The following GSTA5 variants were observed in gnomAD, a reference collection of about 807,000 sequenced individuals.
GSTA5 encodes the protein glutathione S-transferase alpha 5.
In GSTA5, 25 loss-of-function variants were observed where a neutral mutation model predicts 21.8. That is an observed-to-expected ratio of 1.14 (90% CI 0.83 to 1.60). The LOEUF is 1.60. GSTA5 is among the 40% of genes most tolerant of loss of function. GSTA5 has a pLI of 0.00. For synonymous variants in GSTA5, 102 were observed against 89.5 expected, an observed-to-expected ratio of 1.14 and a Z score of -0.78; for missense variants, 330 against 259.2, an observed-to-expected ratio of 1.27 and a Z score of -1.88.
At chr6:52,841,076 GTA>G (rs2127325377), upstream of GSTA5, among the ~76,000 whole-genome samples, 1 of 152,328 alleles carries the variant, frequency 6.6e-6, no homozygotes, top group South Asian at 2.1e-4. Flanking sequence ...AGAGGTGAGA[GTA>G]TGTGGTAATA....
At chr6:52,837,174 T>C (rs751148557) in intron 2 of GSTA5, among the ~76,000 whole-genome samples, 1 of 152,156 alleles carries the variant, frequency 6.6e-6, no homozygotes, top group Non-Finnish European at 1.5e-5. Context: ...AAGAAAAACC[T>C]CAAGGCAATG....
exon 1 of GSTA5, chr6:52,840,808 T>C (rs1307822878): frequency 6.2e-7 from 1 of 1,613,864 alleles, no homozygotes; most frequent in Admixed American, 1.7e-5. Context: ...TGGGCTTCTC[T>C]GCCATGATAG....
upstream of GSTA5, among the ~76,000 whole-genome samples, chr6:52,844,080 A>G (rs1764421373): frequency 6.6e-6 from 1 of 152,084 alleles, no homozygotes. Context: ...GAGTGTGTCT[A>G]CCTTCTGCAA....
chr6:52,841,687 C>T (rs1421695254), upstream of GSTA5, among the ~76,000 whole-genome samples: 1 of 152,232 alleles, frequency 6.6e-6, no homozygotes, highest in Non-Finnish European at 1.5e-5. Context: ...CAGTCATACA[C>T]TGGCCATTCT....
In GSTA5 at chr6:52,836,486, T is replaced by G. The variant is rs1417411604; in HGVS notation, c.140-118A>C. 3 of 1,066,292 alleles carry G rather than the reference T, an allele frequency of 2.8e-6. No individual in the cohort carries two copies. In the African/African-American group the frequency reaches 4.8e-5, roughly 17 times the overall value. The allele number at this position is 1,066,292 out of a possible 1,614,324, so 66.1% of individuals were successfully genotyped here. A position where few individuals can be genotyped will look rare whatever the true frequency, so the allele number is the denominator to read the frequency against. ...GAAATGAAAAAGAAATTATTGCCTG[T>G]TAAGTTTTCACTTGAAACAACTTTT... On this transcript the variant is annotated intron_variant, in intron 2 of 5. Transcript: ENST00000370989.
chr6:52,836,389 A>AT (rs754259748), intron 2 of GSTA5, 21 bp from the exon 3 acceptor site: 9 of 1,611,664 alleles, frequency 5.6e-6, no homozygotes, highest in Non-Finnish European at 6.8e-6. Flanking sequence ...AGAAAAAAAA[A>AT]GGAGTATGAA....
At chr6:52,836,326 T>C in exon 3 of GSTA5, 1 of 1,613,580 alleles carries the variant, frequency 6.2e-7, no homozygotes, top group African/African-American at 1.3e-5. Context: ...CTTCATCCCG[T>C]CAATCTCAAC....
chr6:52,842,857 C>A (rs1192299629), upstream of GSTA5, among the ~76,000 whole-genome samples: 1 of 152,060 alleles, frequency 6.6e-6, no homozygotes, highest in Non-Finnish European at 1.5e-5. Context: ...ACCTTTCAAC[C>A]CGTCATCTAT....
chr6:52,843,068 A>G (rs1232794249), upstream of GSTA5, among the ~76,000 whole-genome samples: 1 of 152,190 alleles, frequency 6.6e-6, no homozygotes, highest in African/African-American at 2.4e-5. Flanking sequence ...ATGTCCCTGC[A>G]AAGGACATGA....
upstream of GSTA5, among the ~76,000 whole-genome samples, chr6:52,841,921 C>G (rs6936938): frequency 0.16 from 24,623 of 152,002 alleles, 3,979 homozygotes; most frequent in African/African-American, 0.42. Context: ...GATTGTGAAA[C>G]CCCAGTACTT....
chr6:52,840,886 G>A (rs192182485), upstream of GSTA5: 22 of 1,395,996 alleles, frequency 1.6e-5, no homozygotes, highest in South Asian at 4.9e-5. Context: ...AATCAAAAAT[G>A]TACTTTAGGA....
At chr6:52,835,802 G>C (rs1764284076) in intron 3 of GSTA5, among the ~76,000 whole-genome samples, 1 of 152,184 alleles carries the variant, frequency 6.6e-6, no homozygotes. Flanking sequence ...TCCTGGTCAT[G>C]ATTCTTGGAA....
upstream of GSTA5, among the ~76,000 whole-genome samples, chr6:52,845,805 T>C (rs891356344): frequency 4.6e-5 from 7 of 152,358 alleles, no homozygotes; most frequent in African/African-American, 1.4e-4. Flanking sequence ...TTTCTCCTCA[T>C]GTCATTGTTT....
At chr6:52,835,151 T>C (rs943017055) in intron 3 of GSTA5, among the ~76,000 whole-genome samples, 1 of 152,230 alleles carries the variant, frequency 6.6e-6, no homozygotes, top group African/African-American at 2.4e-5. Context: ...TCTGTACCAT[T>C]AGCGGTATTC....
upstream of GSTA5, among the ~76,000 whole-genome samples, chr6:52,844,098 G>C (rs1254591857): frequency 6.6e-6 from 1 of 152,046 alleles, no homozygotes; most frequent in African/African-American, 2.4e-5. Flanking sequence ...CAACAACCCT[G>C]GGAAATGGCT....
upstream of GSTA5, among the ~76,000 whole-genome samples, chr6:52,841,967 G>A (rs1764382668): frequency 6.6e-6 from 1 of 152,336 alleles, no homozygotes; most frequent in East Asian, 1.9e-4. Flanking sequence ...AAATATCAGT[G>A]AGCATGACAT....
chr6:52,842,300 T>C (rs191957790), upstream of GSTA5, among the ~76,000 whole-genome samples: 1,181 of 152,226 alleles, frequency 7.8e-3, 7 homozygotes, highest in Non-Finnish European at 0.012. Flanking sequence ...GCATATTCTC[T>C]CCAAACCCCC....
At chr6:52,832,156 A>G (rs1019737564) in intron 5 of GSTA5, among the ~76,000 whole-genome samples, 186 bp from the exon 6 acceptor site, 2 of 152,116 alleles carry the variant, frequency 1.3e-5, no homozygotes, top group South Asian at 2.1e-4. Flanking sequence ...AGCTCACTTT[A>G]TTTTCCCCAA....
upstream of GSTA5, among the ~76,000 whole-genome samples, chr6:52,841,013 T>A (rs780029783): frequency 1.4e-4 from 21 of 152,200 alleles, no homozygotes; most frequent in Admixed American, 7.9e-4. Context: ...GTGGCCACCC[T>A]CAAACCAGTC....
Sources: allele counts gnomAD v4.1 joint callset (sites outside exome capture counted in the v4.1 genomes callset), GRCh38; gene constraint gnomAD v4.1.1; transcripts MANE v1.5; gene names NCBI Gene and HGNC (gene_info 2026-07-23, HGNC 2026-07-21).